Variants in ATXN7L1 observed in about 807,000 individuals in gnomAD.
The protein encoded by ATXN7L1 is ataxin-7-like protein 1.
ATXN7L1 carries 15 observed loss-of-function variants against 70.8 expected under a neutral mutation model. That is an observed-to-expected ratio of 0.21 (90% CI 0.14 to 0.33). ATXN7L1 has a LOEUF of 0.33. Ranked by LOEUF, ATXN7L1 falls within the 10% of genes least tolerant of loss-of-function variation. The pLI is 1.00. For synonymous variants in ATXN7L1, 440 were observed against 445.1 expected (o/e 0.99, Z 0.14); for missense variants, 975 against 1,097.1 (o/e 0.89, Z 1.57).
chr7:105,852,965 T>G (rs1160011175), intron 2 of ATXN7L1, among the ~76,000 whole-genome samples: 2 of 152,058 alleles, frequency 1.3e-5, no homozygotes, highest in African/African-American at 4.8e-5. Flanking sequence ...GGACACACAC[T>G]GCATGAATCC....
intron 3 of ATXN7L1, among the ~76,000 whole-genome samples, chr7:105,776,549 T>G (rs2529368): frequency 2.6e-5 from 4 of 152,136 alleles, no homozygotes; most frequent in Admixed American, 2.6e-4. Context: ...CATCAACTTT[T>G]GAGATCCAGC....
intron 3 of ATXN7L1, among the ~76,000 whole-genome samples, chr7:105,754,619 C>A (rs1799592014): frequency 6.6e-6 from 1 of 152,078 alleles, no homozygotes; most frequent in South Asian, 2.1e-4. Flanking sequence ...GCCACTGCAC[C>A]CAGCATATTT....
chr7:105,810,335 C>T (rs1266031507), intron 2 of ATXN7L1, among the ~76,000 whole-genome samples: 1 of 152,206 alleles, frequency 6.6e-6, no homozygotes, highest in Non-Finnish European at 1.5e-5. Flanking sequence ...CCTTGGGAAA[C>T]ACCAGTCACC....
intron 3 of ATXN7L1, among the ~76,000 whole-genome samples, chr7:105,709,877 CT>C (rs61680542): frequency 1.3e-3 from 195 of 146,088 alleles, no homozygotes; most frequent in Middle Eastern, 3.6e-3. Flanking sequence ...GCTTGCTTTG[CT>C]TTTTTTTTTT....
At chr7:105,619,520 ATATATATATATTTTTTTTTTTTT>A (rs1794556366) in intron 9 of ATXN7L1, among the ~76,000 whole-genome samples, 4 of 19,082 alleles carry the variant, frequency 2.1e-4, no homozygotes, top group Non-Finnish European at 2.7e-4. Context: ...ATATATATAT[ATATATATATATTTTTTTTTTTTT>A]TTTTTTTTTT....
rs1798085294 is a variant in ATXN7L1, at chr7:105,742,156, G to A, written c.355+46448C>T. 1.3e-5 allele frequency among the ~76,000 whole-genome samples: 2 copies of A among 152,214 alleles called. 1 individual carries two copies. Among genetic ancestry groups the A allele is most frequent in the Admixed American group, 1.3e-4 (2 of 15,284 alleles). ...GAGCCCCAACTGTCTCCTTTCAAGA[G>A]CTAGAACTTCAGAAGAGTAAGCATG... On this transcript the variant is annotated intron_variant, in intron 3 of 11. Transcript: ENST00000419735.
intron 3 of ATXN7L1, among the ~76,000 whole-genome samples, chr7:105,729,053 C>G (rs772916607): frequency 2.6e-5 from 4 of 152,044 alleles, no homozygotes; most frequent in Admixed American, 1.3e-4. Context: ...TGCTTGAACC[C>G]AGGAGTTTGA....
At chr7:105,820,878 C>G (rs926030551) in intron 2 of ATXN7L1, among the ~76,000 whole-genome samples, 1 of 152,184 alleles carries the variant, frequency 6.6e-6, no homozygotes, top group Admixed American at 6.5e-5. Context: ...CCCTCCACCC[C>G]CTTGCTCCCA....
intron 3 of ATXN7L1, among the ~76,000 whole-genome samples, chr7:105,744,494 G>A (rs1798357125): frequency 6.6e-6 from 1 of 152,050 alleles, no homozygotes; most frequent in Non-Finnish European, 1.5e-5. Context: ...TTCTCCATGT[G>A]TCAGCAGCAC....
intron 3 of ATXN7L1, among the ~76,000 whole-genome samples, chr7:105,702,526 TACACACACACAGACCCACA>T (rs1563019088): frequency 6.9e-6 from 1 of 145,916 alleles, no homozygotes; most frequent in Non-Finnish European, 1.5e-5. Flanking sequence ...CCCAGCCCCT[TACACACACACAGACCCACA>T]ACACACACAC....
At chr7:105,752,221 G>C (rs537707378) in intron 3 of ATXN7L1, among the ~76,000 whole-genome samples, 1 of 152,284 alleles carries the variant, frequency 6.6e-6, no homozygotes, top group East Asian at 1.9e-4. Flanking sequence ...TGTTGCCTTT[G>C]ACCTCGATGG....
intron 2 of ATXN7L1, among the ~76,000 whole-genome samples, chr7:105,852,160 A>G (rs1415087292): frequency 1.3e-5 from 2 of 151,928 alleles, no homozygotes; most frequent in African/African-American, 2.4e-5. Flanking sequence ...GCCTCTCTCT[A>G]GTCCCCCATG....
rs1804627874 is a variant in ATXN7L1 at position 105,788,346 on chromosome 7, G to C, written c.355+258C>G. 1.4e-5 allele frequency: 6 copies of C among 415,452 alleles called. No individual in the cohort carries two copies. The East Asian group carries it at 2.4e-4, about 17-fold the overall frequency. The allele number at this position is 415,452 out of a possible 1,614,324, so 25.7% of individuals were successfully genotyped here. ...GCAGAGGCCATCGCTAGGCTGGGCAGATGGCTTCAGTCTAGTCCCATCGAC... is the reference window on the plus strand; with the variant it reads ...GCAGAGGCCATCGCTAGGCTGGGCACATGGCTTCAGTCTAGTCCCATCGAC... On this transcript the variant is annotated intron_variant, in intron 3 of 11. Coordinates refer to ENST00000419735, the MANE Select transcript of ATXN7L1 (RefSeq NM_020725.2).
chr7:105,715,368 C>G (rs1388780606), intron 3 of ATXN7L1, among the ~76,000 whole-genome samples: 2 of 152,254 alleles, frequency 1.3e-5, no homozygotes, highest in African/African-American at 4.8e-5. Context: ...TGCTCCATAT[C>G]TAGCACCCAG....
At position 105,875,806 on chromosome 7, in the gene ATXN7L1, A is replaced by T; in HGVS notation, c.250+6T>A. ...CTAACACTAAAATGCCAGTAGCTCC[A>T]CTTACCTTCTTTATTAAGCCTCATA... On this transcript the variant is annotated splice_donor_region_variant and intron_variant, in intron 2 of 11. Coordinates refer to ENST00000419735, the MANE Select transcript of ATXN7L1 (RefSeq NM_020725.2). 1 of 1,610,376 alleles carries T rather than the reference A, an allele frequency of 6.2e-7. No individual in the cohort carries two copies. The highest frequency in any genetic ancestry group is 8.5e-7 in the Non-Finnish European group (1 of 1,176,746).
At chr7:105,757,329 C>T (rs902138143) in intron 3 of ATXN7L1, among the ~76,000 whole-genome samples, 3 of 152,164 alleles carry the variant, frequency 2.0e-5, no homozygotes, top group Admixed American at 6.5e-5. Flanking sequence ...CACAGGCAGA[C>T]TGATATCTTC....
chr7:105,761,955 T>C (rs1213750104), intron 3 of ATXN7L1, among the ~76,000 whole-genome samples: 1 of 152,192 alleles, frequency 6.6e-6, no homozygotes, highest in Non-Finnish European at 1.5e-5. Flanking sequence ...CTGGGGATGA[T>C]AGGGGAGATA....
chr7:105,672,045 TG>T (rs1384433230), intron 3 of ATXN7L1, among the ~76,000 whole-genome samples: 1 of 152,118 alleles, frequency 6.6e-6, no homozygotes, highest in African/African-American at 2.4e-5. Flanking sequence ...TCCAGCACTT[TG>T]GGAGGCCCAG....
intron 3 of ATXN7L1, chr7:105,760,454 T>C (rs918247536): frequency 1.0e-6 from 1 of 985,748 alleles, no homozygotes; most frequent in Non-Finnish European, 1.2e-6. Context: ...TTTCATCCCA[T>C]TAAGAATTCC....
Sources: gnomAD v4.1 joint callset for allele counts (sites outside exome capture counted in the v4.1 genomes callset) on GRCh38, gnomAD v4.1.1 for gene constraint, MANE v1.5 for transcripts, NCBI Gene and HGNC (gene_info 2026-07-23, HGNC 2026-07-21) for gene names.